The following SMYD1 variants were observed in gnomAD, a reference collection of about 807,000 sequenced individuals.
SMYD1 encodes SET and MYND domain containing 1, also known as histone-lysine N-methyltransferase SMYD1.
SMYD1 carries 49 observed loss-of-function variants against 54.0 expected under a neutral mutation model. That is an observed-to-expected ratio of 0.91 (90% CI 0.72 to 1.15). The LOEUF is 1.15. Among genes scored for constraint, SMYD1 ranks in the 50% most tolerant of loss-of-function variants. The pLI is 0.00. For synonymous variants in SMYD1, 269 were observed against 234.2 expected, an observed-to-expected ratio of 1.15 and a Z score of -1.36; for missense variants, 653 against 639.6, an observed-to-expected ratio of 1.02 and a Z score of -0.23.
At chr2:88,094,288 A>G (rs1674527304) in intron 5 of SMYD1, among the ~76,000 whole-genome samples, 1 of 152,236 alleles carries the variant, frequency 6.6e-6, no homozygotes, top group Non-Finnish European at 1.5e-5. Flanking sequence ...CTGTAGAGAA[A>G]GGTCAAGAGG....
intron 5 of SMYD1, among the ~76,000 whole-genome samples, chr2:88,095,197 C>G (rs150004776): frequency 2.2e-4 from 33 of 152,306 alleles, no homozygotes; most frequent in African/African-American, 7.5e-4. Context: ...CAGAATCACC[C>G]GGCCTTCCTC....
intron 2 of SMYD1, among the ~76,000 whole-genome samples, chr2:88,087,126 A>G (rs1674348420): frequency 6.6e-6 from 1 of 151,058 alleles, no homozygotes; most frequent in Non-Finnish European, 1.5e-5. Flanking sequence ...CACACAATGC[A>G]GACACCTATT....
chr2:88,072,035 C>T (rs1673959926), intron 1 of SMYD1, among the ~76,000 whole-genome samples: 1 of 150,938 alleles, frequency 6.6e-6, no homozygotes, highest in African/African-American at 2.4e-5. Context: ...TATTAACATT[C>T]TGGTGTATAT....
At chr2:88,084,603 A>G in intron 2 of SMYD1, 111 bp downstream of exon 2, 2 of 1,029,722 alleles carry the variant, frequency 1.9e-6, no homozygotes, top group Non-Finnish European at 1.4e-6. Context: ...CAAGTCAGGA[A>G]ACAGCCTCAA....
chr2:88,092,223 C>T (rs867546064), intron 4 of SMYD1, among the ~76,000 whole-genome samples: 5 of 152,074 alleles, frequency 3.3e-5, no homozygotes, highest in African/African-American at 7.2e-5. Context: ...ACCTGGGTGA[C>T]GCAACCCTCA....
chr2:88,082,245 A>G (rs1674215311), intron 1 of SMYD1, among the ~76,000 whole-genome samples: 1 of 152,202 alleles, frequency 6.6e-6, no homozygotes, highest in Non-Finnish European at 1.5e-5. Context: ...AAGGGAAGGC[A>G]AGAGTAAGGA....
rs1573128003 is a variant in SMYD1 at position 88,112,717 on chromosome 2, T to C, written c.*2205T>C. 3.3e-5 allele frequency: 5 copies of C among 152,930 alleles called. 1 individual carries two copies. Among genetic ancestry groups the C allele is most frequent in the Admixed American group, 3.2e-4 (5 of 15,426 alleles). The allele number at this position is 152,930 out of a possible 1,614,324, so 9.5% of individuals were successfully genotyped here. A position where few individuals can be genotyped will look rare whatever the true frequency, so the allele number is the denominator to read the frequency against. On this transcript the variant is annotated 3_prime_UTR_variant, in exon 10 of 10. Coordinates refer to ENST00000419482, the MANE Select transcript of SMYD1 (RefSeq NM_198274.4). ...TCTAATGGGTACATTTTAGTTCCTATGTGATTTGGCCTTTCGATGTCAATC... is the reference window on the plus strand; with the variant it reads ...TCTAATGGGTACATTTTAGTTCCTACGTGATTTGGCCTTTCGATGTCAATC...
chr2:88,110,370 C>G lies in SMYD1; in HGVS notation c.1331C>G (p.Thr444Arg). The change falls in exon 10 of 10, where the codon ACG (threonine) becomes AGG (arginine). Residue 444 changes from threonine (T) to arginine (R), a missense_variant. Physicochemically the swap from Thr to Arg is moderately conservative, Grantham distance 71. Coordinates refer to ENST00000419482, the MANE Select transcript of SMYD1 (RefSeq NM_198274.4). ...GTCCCACAGGCCATGCGGGTGCAGA[C>G]GGAGATGGAGCTACGCATGTTCCGC... ...TKDLEAMRVQ[T>R]EMELRMFRQN... The G allele has an allele frequency of 6.2e-7, 1 of 1,612,264 alleles. No individual in the cohort carries two copies.
chr2:88,084,762 T>C (rs770255168), intron 2 of SMYD1, among the ~76,000 whole-genome samples: 10 of 152,082 alleles, frequency 6.6e-5, no homozygotes, highest in Non-Finnish European at 1.5e-4. Context: ...TTTATTTAGG[T>C]ATTTTGGATA....
At position 88,103,082 on chromosome 2, in the gene SMYD1, A is replaced by G. The variant is rs1235467003; in HGVS notation, c.913A>G (p.Met305Val). ...PKPSQEVVKE[M>V]IQFSKDTLEK... The stretch of plus-strand genomic sequence containing the variant: ...GCCCTCTCAGGAAGTGGTGAAGGAG[A>G]TGATACAATTCTCCAAGGATACATT... Residue 305 changes from methionine (M) to valine (V), a missense_variant, in exon 7 of 10, where the codon ATG (methionine) becomes GTG (valine). Transcript: ENST00000419482. 3.1e-6 allele frequency: 5 copies of G among 1,614,070 alleles called. No homozygotes were observed.
rs1336340123 is a variant in SMYD1 at position 88,088,076 on chromosome 2, G to T, written c.528+1G>T. 1.2e-6 allele frequency: 2 copies of T among 1,610,652 alleles called. No individual in the cohort carries two copies. Among genetic ancestry groups the T allele is most frequent in the East Asian group, 4.5e-5 (2 of 44,784 alleles). On this transcript the variant is annotated splice_donor_variant, in intron 3 of 9. Transcript: ENST00000419482. LOFTEE classifies it high-confidence loss of function. ...GTACATCTCGCACATCTTCGGAGTG[G>T]TAGGCCCCCTGCGTCCCTTCTCCAT...
intron 9 of SMYD1, among the ~76,000 whole-genome samples, chr2:88,109,845 C>G (rs4972176): frequency 0.19 from 28,433 of 152,186 alleles, 3,284 homozygotes; most frequent in Non-Finnish European, 0.26. Context: ...ATTTTACTCA[C>G]AGCTGTATCC....
At chr2:88,072,002 GGAA>G (rs1673958253) in intron 1 of SMYD1, among the ~76,000 whole-genome samples, 1 of 37,310 alleles carries the variant, frequency 2.7e-5, no homozygotes, top group African/African-American at 8.0e-5. Context: ...CTTAACATTT[GGAA>G]AAAAAAAAAA....
intron 1 of SMYD1, among the ~76,000 whole-genome samples, chr2:88,078,710 T>C (rs1189312138): frequency 1.3e-5 from 2 of 150,172 alleles, no homozygotes; most frequent in Non-Finnish European, 3.0e-5. Context: ...CCACCCCACA[T>C]ACTAAATCAG....
chr2:88,097,907 G>A (rs1674630652), intron 6 of SMYD1, among the ~76,000 whole-genome samples: 1 of 152,128 alleles, frequency 6.6e-6, no homozygotes, highest in Non-Finnish European at 1.5e-5. Flanking sequence ...TGAAGAGATT[G>A]ACAGTCACCC....
In SMYD1 at chr2:88,067,949, G is replaced by A; in HGVS notation, c.85G>A (p.Ala29Thr). 6.2e-7 allele frequency: 1 copy of A among 1,614,012 alleles called. No homozygotes were observed. Among genetic ancestry groups the A allele is most frequent in the African/African-American group, 1.3e-5 (1 of 75,030 alleles). The change falls in exon 1 of 10, where the codon GCT (alanine) becomes ACT (threonine). Residue 29 changes from alanine to threonine, a missense_variant. Coordinates refer to ENST00000419482, the MANE Select transcript of SMYD1 (RefSeq NM_198274.4). ...RGLKATKEFW[A>T]ADIIFAERAY... ...TCTGAAGGCCACCAAGGAGTTCTGG[G>A]CTGCAGATATCATCTTTGCTGAGCG...
At chr2:88,090,536 C>T (rs913679210) in intron 3 of SMYD1, among the ~76,000 whole-genome samples, 9 of 152,000 alleles carry the variant, frequency 5.9e-5, no homozygotes, top group Non-Finnish European at 1.2e-4. Context: ...AAACTATGCA[C>T]CAGATACAAA....
rs192376389 is a variant in SMYD1 at position 88,071,083 on chromosome 2, T to C, written c.137+3082T>C. Among the ~76,000 whole-genome samples the C allele has an allele frequency of 2.9e-3, 446 of 152,332 alleles. 4 individuals carry two copies. Among genetic ancestry groups the C allele is most frequent in the Non-Finnish European group, 4.6e-3 (315 of 68,022 alleles). ...TATATGTGGTTTTATGCCACTTGTTTCTTTCAATGAAATGTTTATTATTCA... is the reference window on the plus strand; with the variant it reads ...TATATGTGGTTTTATGCCACTTGTTCCTTTCAATGAAATGTTTATTATTCA... On this transcript the variant is annotated intron_variant, in intron 1 of 9. Coordinates refer to ENST00000419482, the MANE Select transcript of SMYD1 (RefSeq NM_198274.4).
intron 8 of SMYD1, 65 bp from the exon 9 acceptor site, chr2:88,108,306 A>G: frequency 7.0e-7 from 1 of 1,431,160 alleles, no homozygotes. Flanking sequence ...TTTATACATT[A>G]TTAAATTAAG....
Sources: allele counts gnomAD v4.1 joint callset (sites outside exome capture counted in the v4.1 genomes callset), GRCh38; gene constraint gnomAD v4.1.1; transcripts MANE v1.5; gene names NCBI Gene and HGNC (gene_info 2026-07-23, HGNC 2026-07-21).